Variants in MAPK14 observed in about 807,000 individuals in gnomAD.
The protein encoded by MAPK14 is CSAID-binding protein.
A neutral mutation model predicts 49.6 loss-of-function variants in MAPK14; 16 were observed. The observed-to-expected ratio is 0.32, with a 90% CI of 0.22 to 0.49. The LOEUF (loss-of-function observed/expected upper bound fraction) is 0.49. MAPK14 is among the 20% of genes least tolerant of loss of function. The pLI, the probability that MAPK14 is intolerant of heterozygous loss-of-function variation, is 0.99. For missense variants in MAPK14, 200 were observed against 441.2 expected (o/e 0.45, Z 4.90); for synonymous variants, 142 against 158.0 (o/e 0.90, Z 0.76).
intron 2 of MAPK14, among the ~76,000 whole-genome samples, chr6:36,054,649 A>G (rs1051070946): frequency 6.6e-6 from 1 of 152,210 alleles, no homozygotes; most frequent in Admixed American, 6.5e-5. Flanking sequence ...ACTTGACTCA[A>G]TGTAGAAAAA....
At chr6:36,072,661 A>C (rs1379412291) in intron 3 of MAPK14, among the ~76,000 whole-genome samples, 1 of 152,104 alleles carries the variant, frequency 6.6e-6, no homozygotes. Context: ...GCAACTCGGG[A>C]GGCTGAGGCA....
intron 3 of MAPK14, among the ~76,000 whole-genome samples, chr6:36,071,335 G>GAA (rs1352568678): frequency 3.7e-5 from 5 of 134,972 alleles, no homozygotes; most frequent in Admixed American, 1.5e-4. Flanking sequence ...TCTGTCTCAA[G>GAA]AAAAAAAAAA....
intron 1 of MAPK14, among the ~76,000 whole-genome samples, chr6:36,040,055 G>A (rs556341129): frequency 6.6e-6 from 1 of 151,442 alleles, no homozygotes; most frequent in African/African-American, 2.4e-5. Flanking sequence ...TTTCCTCATA[G>A]ATGGCTTTGG....
chr6:36,093,614 G>C (rs925743405), intron 8 of MAPK14, among the ~76,000 whole-genome samples: 1 of 151,728 alleles, frequency 6.6e-6, no homozygotes, highest in Admixed American at 6.6e-5. Flanking sequence ...AGCTACTCTG[G>C]AGGCTGAGGC....
At chr6:36,059,190 T>G in intron 2 of MAPK14, 99 bp from the exon 3 acceptor site, 1 of 757,128 alleles carries the variant, frequency 1.3e-6, no homozygotes, top group South Asian at 1.8e-5. Flanking sequence ...GCTCCCGGCC[T>G]AGACCCTGAC....
At chr6:36,036,517 C>T (rs761997926) in intron 1 of MAPK14, among the ~76,000 whole-genome samples, 4 of 151,212 alleles carry the variant, frequency 2.6e-5, no homozygotes, top group Non-Finnish European at 4.4e-5. Context: ...AAATCTATCA[C>T]GAAAGGAAGA....
At chr6:36,031,097 T>G (rs1384045637) in intron 1 of MAPK14, among the ~76,000 whole-genome samples, 1 of 152,164 alleles carries the variant, frequency 6.6e-6, no homozygotes, top group Non-Finnish European at 1.5e-5. Flanking sequence ...TCACTGCAAC[T>G]TCCACCTCCT....
In MAPK14 at chr6:36,099,156, C is replaced by T. The variant is rs149494525; in HGVS notation, c.762+3090C>T. ...AAGCCATGAAGTAAAATTGCTTGGC[C>T]ATGGTGCTTATTAAAGATGACACTT... On this transcript the variant is annotated intron_variant, in intron 9 of 11. Coordinates refer to ENST00000229794, the MANE Select transcript of MAPK14 (RefSeq NM_139012.3). Among the ~76,000 whole-genome samples the T allele has an allele frequency of 2.0e-3, 297 of 152,260 alleles. 1 individual carries two copies. The highest frequency in any genetic ancestry group is 6.8e-3 in the Middle Eastern group (2 of 294).
At chr6:36,103,471 C>T (rs1279809467) in intron 10 of MAPK14, among the ~76,000 whole-genome samples, 1 of 152,068 alleles carries the variant, frequency 6.6e-6, no homozygotes, top group African/African-American at 2.4e-5. Context: ...TTCCAAATAG[C>T]TAGGACTACA....
intron 3 of MAPK14, among the ~76,000 whole-genome samples, chr6:36,065,745 T>TC (rs939835229): frequency 2.2e-4 from 33 of 152,168 alleles, no homozygotes; most frequent in African/African-American, 7.5e-4. Flanking sequence ...TACAACTCTC[T>TC]CCCCCTTCCT....
chr6:36,106,867 G>A (rs1442740624), intron 10 of MAPK14, among the ~76,000 whole-genome samples: 1 of 151,696 alleles, frequency 6.6e-6, no homozygotes, highest in Non-Finnish European at 1.5e-5. Context: ...TTGAAGATCT[G>A]TTGATGAATA....
intron 1 of MAPK14, chr6:36,029,059 A>G (rs1430538728): frequency 6.6e-6 from 1 of 152,104 alleles, no homozygotes; most frequent in East Asian, 1.9e-4. Context: ...ACCACTGCTC[A>G]TTTAAGTATT....
intron 8 of MAPK14, among the ~76,000 whole-genome samples, chr6:36,088,206 C>CAT (rs1765067573): frequency 6.6e-6 from 1 of 152,120 alleles, no homozygotes; most frequent in Admixed American, 6.6e-5. Context: ...TCATTAAGGA[C>CAT]ATAGACATGG....
chr6:36,103,080 G>A (rs1162399770), intron 10 of MAPK14, among the ~76,000 whole-genome samples: 1 of 152,104 alleles, frequency 6.6e-6, no homozygotes, highest in African/African-American at 2.4e-5. Flanking sequence ...AGGGTGCTCT[G>A]CTCTAACGGT....
At chr6:36,091,877 T>C (rs931317984) in intron 8 of MAPK14, 1 of 162,178 alleles carries the variant, frequency 6.2e-6, no homozygotes, top group Admixed American at 6.4e-5. Context: ...TTGCTGCTTT[T>C]ATTTTACGAA....
At chr6:36,068,676 A>G (rs1301039371) in intron 3 of MAPK14, among the ~76,000 whole-genome samples, 1 of 152,174 alleles carries the variant, frequency 6.6e-6, no homozygotes, top group Non-Finnish European at 1.5e-5. Flanking sequence ...AGTTTTTTCT[A>G]CATAGGTTCT....
At chr6:36,057,924 G>T (rs1026672543) in intron 2 of MAPK14, among the ~76,000 whole-genome samples, 21 of 152,218 alleles carry the variant, frequency 1.4e-4, no homozygotes, top group African/African-American at 4.8e-4. Context: ...TATTACAAAT[G>T]AATTATATAT....
intron 3 of MAPK14, among the ~76,000 whole-genome samples, chr6:36,060,956 G>T (rs1763797211): frequency 6.6e-6 from 1 of 152,124 alleles, no homozygotes; most frequent in Non-Finnish European, 1.5e-5. Context: ...AAGAAAAATT[G>T]TTCTTCTCGC....
intron 3 of MAPK14, among the ~76,000 whole-genome samples, chr6:36,065,034 T>C (rs1444491546): frequency 6.6e-6 from 1 of 152,232 alleles, no homozygotes; most frequent in African/African-American, 2.4e-5. Flanking sequence ...CCTGGAACTT[T>C]TTCCCCACAT....
Sources: gnomAD v4.1 joint callset for allele counts (sites outside exome capture counted in the v4.1 genomes callset) on GRCh38, gnomAD v4.1.1 for gene constraint, MANE v1.5 for transcripts, NCBI Gene and HGNC (gene_info 2026-07-23, HGNC 2026-07-21) for gene names.